LRRTM4: variants seen among roughly 807,000 people sequenced by gnomAD.
LRRTM4 encodes leucine-rich repeat transmembrane neuronal protein 4.
In LRRTM4, 25 loss-of-function variants were observed where a neutral mutation model predicts 47.6. The ratio of observed to expected loss-of-function variants is 0.53; its 90% CI spans 0.38 to 0.73. LRRTM4 has a LOEUF of 0.73. Ranked by LOEUF, LRRTM4 falls within the 30% of genes least tolerant of loss-of-function variation. The pLI, the probability that LRRTM4 is intolerant of heterozygous loss-of-function variation, is 0.00. For synonymous variants in LRRTM4, 311 were observed against 269.5 expected, an observed-to-expected ratio of 1.15 and a Z score of -1.51; for missense variants, 638 against 713.4, an observed-to-expected ratio of 0.89 and a Z score of 1.20.
At chr2:77,443,562 G>A (rs1675929479) in intron 3 of LRRTM4, among the ~76,000 whole-genome samples, 1 of 152,082 alleles carries the variant, frequency 6.6e-6, no homozygotes, top group Non-Finnish European at 1.5e-5. Flanking sequence ...ATCAATGCCT[G>A]ACACTCAATA....
chr2:77,100,163 T>C (rs1212103489), intron 3 of LRRTM4, among the ~76,000 whole-genome samples: 1 of 152,186 alleles, frequency 6.6e-6, no homozygotes, highest in Non-Finnish European at 1.5e-5. Context: ...GCATTGATAA[T>C]GTTGACTGCG....
chr2:77,476,573 A>C (rs2104003633), intron 3 of LRRTM4, among the ~76,000 whole-genome samples: 1 of 152,254 alleles, frequency 6.6e-6, no homozygotes, highest in East Asian at 1.9e-4. Context: ...GAAACTACGA[A>C]TTGTAGTTAA....
intron 3 of LRRTM4, among the ~76,000 whole-genome samples, chr2:77,096,306 T>C (rs1297186839): frequency 1.3e-5 from 2 of 151,840 alleles, no homozygotes; most frequent in African/African-American, 4.8e-5. Context: ...AATTTAAATA[T>C]GTTCATGTAT....
chr2:77,415,475 T>G (rs1170440060), intron 3 of LRRTM4, among the ~76,000 whole-genome samples: 1 of 152,166 alleles, frequency 6.6e-6, no homozygotes, highest in African/African-American at 2.4e-5. Context: ...TCATATAGCC[T>G]TCTTAAATTC....
Position 76,851,541 on chromosome 2 carries a change from G to C in LRRTM4, c.1552-102625C>G, listed in dbSNP as rs182106825. Among the ~76,000 whole-genome samples, 14 of 151,880 alleles carry C rather than the reference G, an allele frequency of 9.2e-5. No homozygotes were observed. The East Asian group carries it at 2.6e-3, about 28-fold the overall frequency. ...ACAGATGCCCACCTAGACCCAACGA[G>C]AAGGAAGCACAGGCTTAGAAATCAT... On this transcript the variant is annotated intron_variant, in intron 3 of 3. Transcript: ENST00000409884.
chr2:77,186,902 T>A (rs1673522101), intron 3 of LRRTM4, among the ~76,000 whole-genome samples: 1 of 152,216 alleles, frequency 6.6e-6, no homozygotes, highest in Non-Finnish European at 1.5e-5. Context: ...TCTTGAAAAA[T>A]AATTTACATT....
At chr2:76,795,551 ATATGCATATATACATGTG>A (rs1290170182) in intron 3 of LRRTM4, among the ~76,000 whole-genome samples, 30 of 150,514 alleles carry the variant, frequency 2.0e-4, no homozygotes, top group Non-Finnish European at 3.9e-4. Flanking sequence ...ATATACATGT[ATATGCATATATACATGTG>A]CATATATATG....
At chr2:77,084,399 C>T (rs1164640786) in intron 3 of LRRTM4, among the ~76,000 whole-genome samples, 2 of 152,234 alleles carry the variant, frequency 1.3e-5, no homozygotes, top group South Asian at 2.1e-4. Context: ...GATTTTATAG[C>T]GGCCTTCAGA....
chr2:76,937,704 G>T (rs1175495532), intron 3 of LRRTM4, among the ~76,000 whole-genome samples: 1 of 152,086 alleles, frequency 6.6e-6, no homozygotes, highest in Admixed American at 6.6e-5. Flanking sequence ...GAGTAGCTGG[G>T]ATTACAGGTG....
intron 3 of LRRTM4, among the ~76,000 whole-genome samples, chr2:76,824,277 T>G (rs923214912): frequency 2.0e-5 from 3 of 151,518 alleles, no homozygotes; most frequent in African/African-American, 7.3e-5. Flanking sequence ...GTGTGTGTGT[T>G]TTGCATTCTC....
chr2:77,220,268 G>C (rs1464035722), intron 3 of LRRTM4, among the ~76,000 whole-genome samples: 2 of 152,134 alleles, frequency 1.3e-5, no homozygotes, highest in Admixed American at 6.5e-5. Flanking sequence ...AAACAGAGCA[G>C]AAAAACCGGA....
intron 3 of LRRTM4, among the ~76,000 whole-genome samples, chr2:76,954,123 A>C (rs1382200452): frequency 6.6e-6 from 1 of 151,974 alleles, no homozygotes; most frequent in East Asian, 1.9e-4. Context: ...AGACTCAGAG[A>C]GGTAGGTTTT....
At chr2:77,419,407 T>C (rs1674778962) in intron 3 of LRRTM4, among the ~76,000 whole-genome samples, 1 of 152,206 alleles carries the variant, frequency 6.6e-6, no homozygotes. Flanking sequence ...AAGTCCCTTA[T>C]ACAAAACAGC....
chr2:77,068,393 C>T (rs940222077), intron 3 of LRRTM4, among the ~76,000 whole-genome samples: 20 of 152,122 alleles, frequency 1.3e-4, no homozygotes, highest in African/African-American at 4.6e-4. Context: ...ACTATCACCA[C>T]TGTCTAATTT....
At chr2:77,450,156 T>A (rs1440509836) in intron 3 of LRRTM4, among the ~76,000 whole-genome samples, 2 of 152,140 alleles carry the variant, frequency 1.3e-5, no homozygotes, top group Admixed American at 1.3e-4. Context: ...AATATGATAT[T>A]TATATGACAC....
chr2:77,193,783 A>G (rs569326684), intron 3 of LRRTM4, among the ~76,000 whole-genome samples: 38 of 152,316 alleles, frequency 2.5e-4, no homozygotes, highest in Non-Finnish European at 4.9e-4. Context: ...ATCTCAGGAA[A>G]AAAATATATA....
intron 3 of LRRTM4, among the ~76,000 whole-genome samples, chr2:77,304,167 T>C (rs935739240): frequency 3.3e-5 from 5 of 152,174 alleles, no homozygotes; most frequent in African/African-American, 9.6e-5. Flanking sequence ...TGATATCTTA[T>C]TGGGATTTTG....
intron 3 of LRRTM4, among the ~76,000 whole-genome samples, chr2:77,139,100 G>C (rs766756022): frequency 1.3e-5 from 2 of 152,078 alleles, no homozygotes; most frequent in African/African-American, 2.4e-5. Flanking sequence ...AGAAAAAGAA[G>C]GAATCCTCCC....
At chr2:77,206,228 G>C (rs796854913) in intron 3 of LRRTM4, among the ~76,000 whole-genome samples, 2 of 150,452 alleles carry the variant, frequency 1.3e-5, no homozygotes, top group South Asian at 4.2e-4. Flanking sequence ...GCCCAGGCTG[G>C]AATGAGGTGG....
Sources: gnomAD v4.1 joint callset for allele counts (sites outside exome capture counted in the v4.1 genomes callset) on GRCh38, gnomAD v4.1.1 for gene constraint, MANE v1.5 for transcripts, NCBI Gene and HGNC (gene_info 2026-07-23, HGNC 2026-07-21) for gene names.